TTC1: variants seen among roughly 807,000 people sequenced by gnomAD.
TTC1 encodes the protein tetratricopeptide repeat protein 1.
Under a neutral mutation model 37.6 loss-of-function variants are expected in TTC1, and 31 were observed. The observed-to-expected ratio is 0.82, with a 90% confidence interval of 0.62 to 1.11. The LOEUF (loss-of-function observed/expected upper bound fraction) is 1.11. Ranked by LOEUF, TTC1 falls within the 50% of genes most tolerant of loss-of-function variation. TTC1 has a pLI of 0.00. For synonymous variants in TTC1, 127 were observed against 122.4 expected, an observed-to-expected ratio of 1.04 and a Z score of -0.25; for missense variants, 351 against 339.0, an observed-to-expected ratio of 1.04 and a Z score of -0.28.
intron 2 of TTC1, among the ~76,000 whole-genome samples, chr5:160,027,437 A>C (rs770061850): frequency 5.3e-5 from 8 of 152,242 alleles, no homozygotes; most frequent in Non-Finnish European, 1.0e-4. Flanking sequence ...TGTCATGTAC[A>C]TTTTATCAAT....
Position 160,010,798 on chromosome 5 carries a change from T to G in TTC1, c.270T>G (p.Ser90=). 1.2e-6 allele frequency: 2 copies of G among 1,614,194 alleles called. No homozygotes were observed. Among genetic ancestry groups the G allele is most frequent in the South Asian group, 2.2e-5 (2 of 91,084 alleles). ...AATCTAATGAAGATGTGAATTCCTC[T>G]GAACTAGATGAAGAATACCTAATAG... is the stretch of plus-strand genomic sequence containing the variant. The part of the protein sequence containing the change: ...ENKSNEDVNS[S]ELDEEYLIEL... Residue 90 remains serine (S), a synonymous_variant, in exon 2 of 8, where the codon TCT becomes TCG. Transcript: ENST00000231238.
intron 2 of TTC1, among the ~76,000 whole-genome samples, chr5:160,034,902 G>C (rs954403246): frequency 2.0e-5 from 3 of 152,150 alleles, no homozygotes; most frequent in Non-Finnish European, 4.4e-5. Context: ...AGAAAGCAAA[G>C]GACATGCCAA....
chr5:160,051,254 G>A (rs953844845), intron 7 of TTC1, 71 bp downstream of exon 7: 1 of 1,252,300 alleles, frequency 8.0e-7, no homozygotes, highest in Non-Finnish European at 1.1e-6. Context: ...GCGAATACTA[G>A]AGGAGAACAC....
In TTC1 at chr5:160,036,794, G is replaced by T; in HGVS notation, c.495G>T (p.Arg165Ser). ...SILFSNRAAARMKQDKKEMAI... is the reference protein window; with the variant it reads ...SILFSNRAAASMKQDKKEMAI... ...TATTTTCAAATAGAGCTGCAGCAAG[G>T]ATGAAACAGGTATGTATCTGTGACC... The change falls in exon 4 of 8, where the codon AGG (arginine) becomes AGT (serine). Residue 165 changes from arginine to serine, a missense_variant. Coordinates refer to ENST00000231238, the MANE Select transcript of TTC1 (RefSeq NM_003314.3). 1.2e-6 allele frequency: 2 copies of T among 1,610,712 alleles called. No individual in the cohort carries two copies. Among genetic ancestry groups the T allele is most frequent in the East Asian group, 2.2e-5 (1 of 44,848 alleles).
chr5:160,050,271 A>C (rs1757366663), intron 6 of TTC1, among the ~76,000 whole-genome samples: 1 of 152,146 alleles, frequency 6.6e-6, no homozygotes, highest in African/African-American at 2.4e-5. Flanking sequence ...AACATGGAGA[A>C]ACCCTGTCTC....
At chr5:160,035,905 T>G (rs773516642) in intron 3 of TTC1, among the ~76,000 whole-genome samples, 1 of 152,054 alleles carries the variant, frequency 6.6e-6, no homozygotes, top group African/African-American at 2.4e-5. Flanking sequence ...AATTTTTTTC[T>G]TATTGTTTTC....
chr5:160,035,031 A>C, intron 2 of TTC1, 109 bp from the exon 3 acceptor site: 1 of 905,546 alleles, frequency 1.1e-6, no homozygotes, highest in Non-Finnish European at 1.6e-6. Context: ...GCAGTTCTCA[A>C]AAGTCAGACT....
chr5:160,041,496 A>G (rs145526448), intron 4 of TTC1, among the ~76,000 whole-genome samples: 1 of 151,860 alleles, frequency 6.6e-6, no homozygotes, highest in East Asian at 1.9e-4. Flanking sequence ...TATTTTTTCT[A>G]GAGATGGGGT....
At chr5:160,032,870 C>T (rs1756936351) in intron 2 of TTC1, among the ~76,000 whole-genome samples, 2 of 149,236 alleles carry the variant, frequency 1.3e-5, no homozygotes, top group African/African-American at 2.5e-5. Context: ...CCTGCCACCA[C>T]ACCCAGCTAA....
chr5:160,055,187 T>G (rs2113406529), intron 7 of TTC1, among the ~76,000 whole-genome samples: 1 of 152,200 alleles, frequency 6.6e-6, no homozygotes, highest in East Asian at 1.9e-4. Flanking sequence ...TGCAAGTTAT[T>G]TTATCCCGTA....
intron 7 of TTC1, among the ~76,000 whole-genome samples, chr5:160,062,818 C>T: frequency 6.6e-6 from 1 of 150,648 alleles, no homozygotes; most frequent in Non-Finnish European, 1.5e-5. Context: ...TTTTTTTTTT[C>T]CCCCTTCCTG....
chr5:160,010,126 C>A (rs1274825350), intron 1 of TTC1, among the ~76,000 whole-genome samples: 1 of 151,960 alleles, frequency 6.6e-6, no homozygotes, highest in Non-Finnish European at 1.5e-5. Flanking sequence ...GGCGCGGTGG[C>A]AGGCGCCTGT....
chr5:160,031,944 T>C (rs992017100), intron 2 of TTC1, among the ~76,000 whole-genome samples: 5 of 152,208 alleles, frequency 3.3e-5, no homozygotes, highest in Non-Finnish European at 5.9e-5. Flanking sequence ...TAAACTCTTA[T>C]GGTGCCACTG....
intron 2 of TTC1, among the ~76,000 whole-genome samples, chr5:160,024,235 TC>T (rs1163078950): frequency 1.3e-5 from 2 of 152,242 alleles, no homozygotes; most frequent in Non-Finnish European, 2.9e-5. Flanking sequence ...AAAAATTATT[TC>T]CCAGGTGGAG....
At chr5:160,051,045 T>C (rs1471991723) in intron 6 of TTC1, 84 bp from the exon 7 acceptor site, 14 of 1,091,040 alleles carry the variant, frequency 1.3e-5, no homozygotes, top group Non-Finnish European at 1.7e-5. Flanking sequence ...TTAGGATTCT[T>C]GTGTTTCTCA....
rs993434113 is a variant in TTC1 at position 160,057,586 on chromosome 5, T to G, written c.745+6403T>G. ...ATTGGGGTGTCTGTGGCAGTATCTT[T>G]AAATAAGATAGCAAGGAAGTTTGCC... On this transcript the variant is annotated intron_variant, in intron 7 of 7. Transcript: ENST00000231238. This position sits in a 1 kb window ranked among gnomAD's most constrained non-coding sequence, Gnocchi z 4.4. 6.6e-6 allele frequency among the ~76,000 whole-genome samples: 1 copy of G among 152,192 alleles called. No homozygotes were observed. Among genetic ancestry groups the G allele is most frequent in the African/African-American group, 2.4e-5 (1 of 41,448 alleles).
Position 160,064,001 on chromosome 5 carries a change from C to G in TTC1, c.746-931C>G, listed in dbSNP as rs372880014. ...TTTTTTTTTTTGAGACGGAGTCTCA[C>G]TCTGTCACCCAGGCTGGAGTGCAGT... On this transcript the variant is annotated intron_variant, in intron 7 of 7. Transcript: ENST00000231238. Among the ~76,000 whole-genome samples the G allele has an allele frequency of 1.1e-4, 16 of 141,370 alleles. No individual in the cohort carries two copies. The East Asian group carries it at 3.3e-3, about 29-fold the overall frequency. The allele number at this position is 141,370 out of a possible 152,430, so 92.7% of individuals were successfully genotyped here. A position where few individuals can be genotyped will look rare whatever the true frequency, so the allele number is the denominator to read the frequency against.
chr5:160,036,080 G>A (rs1355258269), intron 3 of TTC1, among the ~76,000 whole-genome samples: 3 of 151,882 alleles, frequency 2.0e-5, no homozygotes, highest in Non-Finnish European at 4.4e-5. Flanking sequence ...TGAGAAAGGA[G>A]TACATAGGCA....
chr5:160,029,408 C>G (rs1756865998), intron 2 of TTC1, among the ~76,000 whole-genome samples: 1 of 147,988 alleles, frequency 6.8e-6, no homozygotes, highest in Non-Finnish European at 1.5e-5. Context: ...TTGGGAGGCT[C>G]TGGTGGGAGG....
Sources: allele counts gnomAD v4.1 joint callset (sites outside exome capture counted in the v4.1 genomes callset), GRCh38; gene constraint gnomAD v4.1.1; non-coding constraint Gnocchi (gnomAD v3.1); transcripts MANE v1.5; gene names NCBI Gene and HGNC (gene_info 2026-07-23, HGNC 2026-07-21).